PRDM11: variants seen among roughly 807,000 people sequenced by gnomAD.
PRDM11 encodes the protein PR/SET domain 11, also known as PR domain-containing protein 11.
Under a neutral mutation model 97.8 loss-of-function variants are expected in PRDM11, and 20 were observed. The ratio of observed to expected loss-of-function variants is 0.20; its 90% CI spans 0.14 to 0.30. The LOEUF (loss-of-function observed/expected upper bound fraction) is 0.30. Among genes scored for constraint, PRDM11 ranks in the 10% least tolerant of loss-of-function variants. The pLI, the probability that PRDM11 is intolerant of heterozygous loss-of-function variation, is 1.00. For synonymous variants in PRDM11, 599 were observed against 637.7 expected, an observed-to-expected ratio of 0.94 and a Z score of 0.91; for missense variants, 1,139 against 1,555.2, an observed-to-expected ratio of 0.73 and a Z score of 4.50.
At chr11:45,207,462 G>A (rs1366032118) in intron 5 of PRDM11, among the ~76,000 whole-genome samples, 1 of 151,980 alleles carries the variant, frequency 6.6e-6, no homozygotes, top group Non-Finnish European at 1.5e-5. Flanking sequence ...AGACATGTTT[G>A]ATGGTTGGAT....
intron 1 of PRDM11, among the ~76,000 whole-genome samples, chr11:45,152,826 C>A (rs1343008179): frequency 6.6e-6 from 1 of 152,044 alleles, no homozygotes; most frequent in East Asian, 1.9e-4. Context: ...TCCGGCCTAA[C>A]CCGGATACTT....
chr11:45,188,910 T>C (rs796412916), intron 4 of PRDM11, among the ~76,000 whole-genome samples: 1 of 152,154 alleles, frequency 6.6e-6, no homozygotes. Context: ...TTTGTTTTTT[T>C]GTTTGTTTGA....
chr11:45,114,538 C>A (rs1852259844), intron 1 of PRDM11, among the ~76,000 whole-genome samples: 1 of 152,014 alleles, frequency 6.6e-6, no homozygotes, highest in Admixed American at 6.5e-5. Flanking sequence ...TAAACTGTCC[C>A]AAACTTGGTG....
At chr11:45,157,982 G>A (rs1851841631) in intron 1 of PRDM11, among the ~76,000 whole-genome samples, 1 of 152,218 alleles carries the variant, frequency 6.6e-6, no homozygotes, top group African/African-American at 2.4e-5. Context: ...TGCAGGAGGT[G>A]AGCAGTGGGC....
At position 45,137,714 on chromosome 11, in the gene PRDM11, A is replaced by C. The variant is rs11038322; in HGVS notation, c.96+41813A>C. Reference sequence around the variant, plus strand: ...GCTGAGATGGTGCAACTGAACTCCAATCCAGCCTGGGTGACACAGTAAGAC... The same window carrying C: ...GCTGAGATGGTGCAACTGAACTCCACTCCAGCCTGGGTGACACAGTAAGAC... On this transcript the variant is annotated intron_variant, in intron 1 of 6. Coordinates refer to the PRDM11 transcript ENST00000530656. 5.3e-5 allele frequency among the ~76,000 whole-genome samples: 8 copies of C among 152,288 alleles called. No individual in the cohort carries two copies. In the East Asian group the frequency reaches 1.5e-3, roughly 29 times the overall value.
chr11:45,220,587 A>T (rs1412212898), intron 6 of PRDM11, among the ~76,000 whole-genome samples: 2 of 152,228 alleles, frequency 1.3e-5, no homozygotes, highest in Non-Finnish European at 2.9e-5. Flanking sequence ...TCTAATCCAT[A>T]TTGGTCTGAC....
At chr11:45,147,301 C>CACG (rs1851540809) in intron 1 of PRDM11, 1 of 151,478 alleles carries the variant, frequency 6.6e-6, no homozygotes, top group African/African-American at 2.4e-5. Flanking sequence ...CGGGGCGGGG[C>CACG]GCGGACGCCG....
At chr11:45,162,258 T>A (rs928121289) in intron 1 of PRDM11, among the ~76,000 whole-genome samples, 1 of 152,074 alleles carries the variant, frequency 6.6e-6, no homozygotes, top group Admixed American at 6.5e-5. Context: ...TCTACACCTG[T>A]CCTGTGGTGT....
upstream of PRDM11, among the ~76,000 whole-genome samples, chr11:45,143,161 TA>T: frequency 6.6e-6 from 1 of 152,320 alleles, no homozygotes; most frequent in East Asian, 1.9e-4. Flanking sequence ...ACTAAATCCT[TA>T]TTGAAATTTT....
intron 5 of PRDM11, among the ~76,000 whole-genome samples, chr11:45,207,452 AGAC>A (rs202218954): frequency 0.34 from 52,144 of 151,880 alleles, 9,775 homozygotes; most frequent in Admixed American, 0.45. Flanking sequence ...CAAGGCCTGG[AGAC>A]ATGTTTGATG....
At chr11:45,165,724 C>A (rs1054877614) in intron 1 of PRDM11, among the ~76,000 whole-genome samples, 3 of 152,238 alleles carry the variant, frequency 2.0e-5, no homozygotes, top group African/African-American at 7.2e-5. Context: ...TCTTCTGTTT[C>A]TTCGAAGTTG....
intron 1 of PRDM11, among the ~76,000 whole-genome samples, chr11:45,156,114 G>C (rs796352197): frequency 1.5e-4 from 23 of 152,242 alleles, no homozygotes; most frequent in African/African-American, 5.5e-4. Flanking sequence ...GGGAGATAAG[G>C]TCAGCCATCC....
intron 5 of PRDM11, chr11:45,213,789 A>G: frequency 4.5e-6 from 2 of 447,570 alleles, no homozygotes; most frequent in South Asian, 3.1e-5. Flanking sequence ...CAAATGACAC[A>G]GCCAGTTAGT....
chr11:45,130,144 T>C (rs1852686212), intron 1 of PRDM11, among the ~76,000 whole-genome samples: 1 of 152,108 alleles, frequency 6.6e-6, no homozygotes, highest in Admixed American at 6.5e-5. Context: ...GGATTCTAGA[T>C]CTACATGTGA....
chr11:45,224,425 G>T lies in PRDM11; in HGVS notation c.951G>T (p.Lys317Asn), dbSNP rs772907987. The T allele has an allele frequency of 6.2e-7, 1 of 1,614,212 alleles. No individual in the cohort carries two copies. The highest frequency in any genetic ancestry group is 1.7e-5 in the Admixed American group (1 of 60,030). ...DVLEASLESA[K>N]VEAHQLALST... ...TGGAGGCCTCACTGGAATCTGCGAA[G>T]GTGGAAGCCCACCAGTTGGCCCTGA... Residue 317 changes from lysine to asparagine, a missense_variant, in exon 7 of 8, where the codon AAG becomes AAT. Around this residue, in one of 2 missense-constraint regions of PRDM11, gnomAD observed 429 missense variants for 510.3 expected, o/e 0.84. Coordinates refer to ENST00000683152, the MANE Select transcript of PRDM11 (RefSeq NM_001384648.1).
At chr11:45,156,837 CG>C (rs1039838196) in intron 1 of PRDM11, among the ~76,000 whole-genome samples, 8 of 152,018 alleles carry the variant, frequency 5.3e-5, no homozygotes, top group Admixed American at 5.2e-4. Context: ...GAGGGAGGAG[CG>C]GGGGTTTGCC....
At chr11:45,172,933 T>A (rs1041111170) in intron 1 of PRDM11, among the ~76,000 whole-genome samples, 2 of 152,214 alleles carry the variant, frequency 1.3e-5, no homozygotes, top group Admixed American at 6.5e-5. Flanking sequence ...ATGCTGAAGA[T>A]GCTTCCTGCT....
intron 1 of PRDM11, among the ~76,000 whole-genome samples, chr11:45,136,112 G>C (rs1337190446): frequency 6.6e-6 from 1 of 152,170 alleles, no homozygotes; most frequent in Non-Finnish European, 1.5e-5. Context: ...TAGTAATAGG[G>C]GGAACTGGGT....
intron 1 of PRDM11, among the ~76,000 whole-genome samples, chr11:45,157,649 CTT>C (rs887191240): frequency 4.6e-5 from 7 of 152,226 alleles, no homozygotes; most frequent in African/African-American, 1.4e-4. Flanking sequence ...ACAGGCCTCT[CTT>C]TGTCCCCTGA....
Sources: gnomAD v4.1 joint callset for allele counts (sites outside exome capture counted in the v4.1 genomes callset) on GRCh38, gnomAD v4.1.1 for gene constraint, gnomAD v4.1.1 regional missense constraint, MANE v1.5 for transcripts, NCBI Gene and HGNC (gene_info 2026-07-23, HGNC 2026-07-21) for gene names.